PCNX2: variants seen among roughly 807,000 people sequenced by gnomAD.
PCNX2 encodes the protein pecanex-like protein 2.
PCNX2 carries 168 observed loss-of-function variants against 223.8 expected under a neutral mutation model. The ratio of observed to expected loss-of-function variants is 0.75; its 90% CI spans 0.66 to 0.85. The LOEUF (loss-of-function observed/expected upper bound fraction) is 0.85, where lower values mean the gene tolerates loss of function less well. Ranked by LOEUF, PCNX2 falls within the 40% of genes least tolerant of loss-of-function variation. The pLI is 0.00. For missense variants in PCNX2, 2,507 were observed against 2,675.5 expected (o/e 0.94, Z 1.39); for synonymous variants, 1,006 against 1,052.6 (o/e 0.96, Z 0.86).
chr1:233,325,214 T>A, the PCNX2 span, among the ~76,000 whole-genome samples: 11 of 152,152 alleles, frequency 7.2e-5, no homozygotes, highest in South Asian at 2.1e-4. Flanking sequence ...TTAAAAACAC[T>A]CATAATTCAT....
At chr1:233,046,021 C>T (rs186470129) in intron 25 of PCNX2, among the ~76,000 whole-genome samples, 2 of 152,358 alleles carry the variant, frequency 1.3e-5, no homozygotes, top group Admixed American at 6.5e-5. Context: ...TTGTAGCTCA[C>T]AACCAAGAAC....
At chr1:233,083,245 C>T (rs1381183954) in intron 23 of PCNX2, among the ~76,000 whole-genome samples, 1 of 152,052 alleles carries the variant, frequency 6.6e-6, no homozygotes, top group Non-Finnish European at 1.5e-5. Flanking sequence ...TTTCCAAGGT[C>T]TAGACCATTT....
At position 232,984,350 on chromosome 1, in the gene PCNX2, C is replaced by A. The variant is rs774165492; in HGVS notation, c.6368G>T (p.Gly2123Val). Residue 2123 changes from glycine (G) to valine (V), a missense_variant, in exon 34 of 34, where the codon GGC (glycine) becomes GTC (valine). Gly to Val is a moderately radical substitution (Grantham distance 109). Around this residue, in one of 3 missense-constraint regions of PCNX2, gnomAD observed 1,372 missense variants for 1,509.4 expected, o/e 0.91. Coordinates refer to ENST00000258229, the MANE Select transcript of PCNX2 (RefSeq NM_014801.4). Reference sequence around the variant, plus strand: ...TTGCTGCGAGGCCGTGTCGTCCAGGCCCATGTCCTCCTGGCTTGCTCTCCT... The same window carrying A: ...TTGCTGCGAGGCCGTGTCGTCCAGGACCATGTCCTCCTGGCTTGCTCTCCT... Reference protein sequence around the residue: ...VCRRASQEDMGLDDTASQQSV... With the variant: ...VCRRASQEDMVLDDTASQQSV... The A allele has an allele frequency of 5.0e-6, 8 of 1,613,234 alleles. No homozygotes were observed. Among genetic ancestry groups the A allele is most frequent in the Non-Finnish European group, 6.8e-6 (8 of 1,179,696 alleles).
chr1:233,028,746 G>C (rs544798143), intron 25 of PCNX2, among the ~76,000 whole-genome samples: 19 of 151,420 alleles, frequency 1.3e-4, no homozygotes, highest in African/African-American at 4.6e-4. Flanking sequence ...CCATTTACAT[G>C]TAATGTGGTT....
At chr1:233,091,462 G>A (rs1180666138) in intron 22 of PCNX2, among the ~76,000 whole-genome samples, 4 of 152,066 alleles carry the variant, frequency 2.6e-5, no homozygotes, top group Non-Finnish European at 5.9e-5. Flanking sequence ...AAAGGGGTGG[G>A]GGTGGAAGTG....
chr1:233,325,809 G>A, the PCNX2 span, among the ~76,000 whole-genome samples: 1 of 152,174 alleles, frequency 6.6e-6, no homozygotes. Context: ...TCACAAACTC[G>A]GTTGGTAAAA....
At chr1:233,285,440 C>G (rs1160484503) in intron 1 of PCNX2, among the ~76,000 whole-genome samples, 1 of 152,146 alleles carries the variant, frequency 6.6e-6, no homozygotes, top group African/African-American at 2.4e-5. Context: ...CTTTGGGAGG[C>G]TGAGGTGGGC....
At chr1:233,140,384 G>A (rs1308198928) in intron 19 of PCNX2, among the ~76,000 whole-genome samples, 1 of 152,152 alleles carries the variant, frequency 6.6e-6, no homozygotes, top group Non-Finnish European at 1.5e-5. Flanking sequence ...ACCTTCTTCT[G>A]AGTGCTTACA....
At chr1:233,177,113 T>C (rs957296739) in intron 17 of PCNX2, among the ~76,000 whole-genome samples, 1 of 152,246 alleles carries the variant, frequency 6.6e-6, no homozygotes, top group African/African-American at 2.4e-5. Flanking sequence ...TAGTAACTTC[T>C]CTTAGAAGCA....
chr1:233,112,827 G>A, intron 21 of PCNX2: 3 of 1,266,398 alleles, frequency 2.4e-6, no homozygotes, highest in Non-Finnish European at 3.1e-6. Flanking sequence ...CAAATGGGGA[G>A]AAAAAGCTGA....
intron 10 of PCNX2, among the ~76,000 whole-genome samples, chr1:233,220,670 T>C (rs7516050): frequency 0.35 from 52,935 of 152,042 alleles, 9,325 homozygotes; most frequent in South Asian, 0.38. Flanking sequence ...CTTTGTATAC[T>C]GGATGACAAT....
At chr1:233,037,104 C>T (rs1271807391) in intron 25 of PCNX2, among the ~76,000 whole-genome samples, 1 of 152,172 alleles carries the variant, frequency 6.6e-6, no homozygotes, top group Admixed American at 6.5e-5. Flanking sequence ...GTCACACATC[C>T]ACTTGGTAAT....
intron 23 of PCNX2, among the ~76,000 whole-genome samples, chr1:233,086,382 G>A (rs1204339274): frequency 6.6e-6 from 1 of 152,160 alleles, no homozygotes; most frequent in African/African-American, 2.4e-5. Flanking sequence ...TTCCAGCCGG[G>A]TGCAGTGGCT....
rs142376523 is a variant in PCNX2 at position 233,252,565 on chromosome 1, A to G, written c.1983-66T>C. 4.8e-5 allele frequency: 76 copies of G among 1,585,768 alleles called. No individual in the cohort carries two copies. In the African/African-American group the frequency reaches 8.1e-4, roughly 17 times the overall value. ...TCCTCCTTATCCTTGATAAAGCATT[A>G]AAAGCAGAAGCCAGTAAATGAGGCT... On this transcript the variant is annotated intron_variant, in intron 6 of 33. Coordinates refer to ENST00000258229, the MANE Select transcript of PCNX2 (RefSeq NM_014801.4).
intron 19 of PCNX2, among the ~76,000 whole-genome samples, chr1:233,159,677 T>C (rs1678352135): frequency 6.6e-6 from 1 of 152,216 alleles, no homozygotes; most frequent in Non-Finnish European, 1.5e-5. Context: ...AGACTTCTTA[T>C]CTAGAAGAAA....
chr1:233,055,077 C>T (rs1460820395), intron 24 of PCNX2, among the ~76,000 whole-genome samples: 1 of 152,216 alleles, frequency 6.6e-6, no homozygotes, highest in Non-Finnish European at 1.5e-5. Context: ...TGCTGAAGGA[C>T]ACTTGGGTTG....
At chr1:233,185,453 C>T (rs1365414240) in intron 15 of PCNX2, among the ~76,000 whole-genome samples, 2 of 152,106 alleles carry the variant, frequency 1.3e-5, no homozygotes, top group Non-Finnish European at 2.9e-5. Context: ...AATATGTAGA[C>T]ATCTCACCAC....
At chr1:233,048,973 C>T (rs1007526075) in intron 25 of PCNX2, among the ~76,000 whole-genome samples, 1 of 152,108 alleles carries the variant, frequency 6.6e-6, no homozygotes, top group Non-Finnish European at 1.5e-5. Context: ...AATTAAAACC[C>T]TAAACAGACC....
At chr1:233,206,762 G>A (rs906815335) in intron 13 of PCNX2, among the ~76,000 whole-genome samples, 2 of 152,200 alleles carry the variant, frequency 1.3e-5, no homozygotes, top group African/African-American at 4.8e-5. Flanking sequence ...GCTCACGCCT[G>A]TAATCCCAGC....
Sources: gnomAD v4.1 joint callset for allele counts (sites outside exome capture counted in the v4.1 genomes callset) on GRCh38, gnomAD v4.1.1 for gene constraint, gnomAD v4.1.1 regional missense constraint, MANE v1.5 for transcripts, NCBI Gene and HGNC (gene_info 2026-07-23, HGNC 2026-07-21) for gene names.